The following ZC4H2 variants were observed in gnomAD, a reference collection of about 807,000 sequenced individuals.
The protein encoded by ZC4H2 is zinc finger C4H2-type containing.
For synonymous variants in ZC4H2, 84 were observed against 66.3 expected (o/e 1.27, Z -1.30); for missense variants, 137 against 173.9 (o/e 0.79, Z 1.19).
At chrX:65,020,496 T>C (rs752496214) in intron 1 of ZC4H2, among the ~76,000 whole-genome samples, 2 of 111,873 alleles carry the variant, frequency 1.8e-5, no homozygotes, top group Admixed American at 9.5e-5. Flanking sequence ...TAAGACACTT[T>C]GTCACCACTA....
At chrX:65,024,007 C>T (rs993344015) in intron 1 of ZC4H2, among the ~76,000 whole-genome samples, 1 of 110,892 alleles carries the variant, frequency 9.0e-6, no homozygotes, top group Non-Finnish European at 1.9e-5. Flanking sequence ...AACATAAGAA[C>T]AGGAAACCAA....
At chrX:64,947,692 C>T (rs1356044049) in intron 1 of ZC4H2, among the ~76,000 whole-genome samples, 1 of 111,900 alleles carries the variant, frequency 8.9e-6, no homozygotes, top group East Asian at 2.8e-4. Context: ...GAGTATGTGT[C>T]TGTAACAATA....
chrX:64,933,184 A>C (rs1929834046), intron 1 of ZC4H2, among the ~76,000 whole-genome samples: 1 of 111,127 alleles, frequency 9.0e-6, no homozygotes, highest in African/African-American at 3.3e-5. Context: ...TATTTCCCTA[A>C]GTGTGTCTTT....
intron 1 of ZC4H2, among the ~76,000 whole-genome samples, chrX:64,951,053 G>C (rs764376827): frequency 1.8e-5 from 2 of 110,580 alleles, no homozygotes; most frequent in Non-Finnish European, 3.8e-5. Context: ...GAGAACATGC[G>C]GTGTTTGGTT....
intron 1 of ZC4H2, among the ~76,000 whole-genome samples, chrX:65,018,511 C>A (rs1252820271): frequency 8.9e-6 from 1 of 112,335 alleles, no homozygotes; most frequent in African/African-American, 3.2e-5. Flanking sequence ...AGATACTGTG[C>A]TTTTCCCACA....
chrX:64,928,632 C>CCTTCTTCTTCTTCTTCTTCTTCTT lies in ZC4H2; in HGVS notation c.54-6668_54-6645dup, dbSNP rs753426558. Among the ~76,000 whole-genome samples the CCTTCTTCTTCTTCTTCTTCTTCTT allele has an allele frequency of 1.4e-3, 115 of 83,336 alleles. 5 individuals are homozygous for CCTTCTTCTTCTTCTTCTTCTTCTT. The highest frequency in any genetic ancestry group is 5.0e-3 in the African/African-American group (103 of 20,497). 72.4% of individuals were successfully genotyped at this position (83,336 alleles called of 115,157 possible). A position where few individuals can be genotyped will look rare whatever the true frequency, so the allele number is the denominator to read the frequency against. On this transcript the variant is annotated intron_variant, in intron 1 of 4. Transcript: ENST00000374839. Reference sequence around the variant, plus strand: ...TATTCATGTCCTTTGCCTGCTTTCTCCTTCTTCTTCTTCTTCTTCTTCTTC... The same window carrying CCTTCTTCTTCTTCTTCTTCTTCTT: ...TATTCATGTCCTTTGCCTGCTTTCTCCTTCTTCTTCTTCTTCTTCTTCTTCTTCTTCTTCTTCTTCTTCTTCTTC...
intron 1 of ZC4H2, among the ~76,000 whole-genome samples, chrX:64,948,654 C>A (rs768459648): frequency 8.9e-6 from 1 of 112,041 alleles, no homozygotes; most frequent in East Asian, 2.8e-4. Context: ...AAACCTACTA[C>A]ATAATTAAAA....
At chrX:64,951,531 T>A (rs918119198) in intron 1 of ZC4H2, among the ~76,000 whole-genome samples, 2 of 112,405 alleles carry the variant, frequency 1.8e-5, no homozygotes, top group Admixed American at 1.9e-4. Flanking sequence ...TGGTTTTGAT[T>A]TGCATTTCTC....
At chrX:65,021,469 A>G (rs961142671) in intron 1 of ZC4H2, among the ~76,000 whole-genome samples, 3 of 111,226 alleles carry the variant, frequency 2.7e-5, no homozygotes, top group African/African-American at 1.0e-4. Flanking sequence ...TTCTTTGAAA[A>G]CAATGAGAAC....
At chrX:65,014,283 G>A (rs771395435) in intron 1 of ZC4H2, among the ~76,000 whole-genome samples, 1 of 111,367 alleles carries the variant, frequency 9.0e-6, no homozygotes, top group South Asian at 3.8e-4. Flanking sequence ...CCATTTTGAG[G>A]GCAAAAGGGA....
intron 1 of ZC4H2, among the ~76,000 whole-genome samples, chrX:64,942,734 T>C (rs1053333295): frequency 8.9e-6 from 1 of 112,072 alleles, no homozygotes; most frequent in Admixed American, 9.5e-5. Flanking sequence ...CTATCATTGA[T>C]GGGCATTTGC....
At chrX:64,917,920 A>C (rs1411407261) in intron 4 of ZC4H2, 24 bp from the exon 5 acceptor site, 18 of 1,191,096 alleles carry the variant, frequency 1.5e-5, no homozygotes, top group Non-Finnish European at 2.0e-5. Context: ...CAGGAAAAAG[A>C]AAGTTAGTAG....
chrX:64,920,844 G>C (rs1217283088), intron 2 of ZC4H2, among the ~76,000 whole-genome samples: 2 of 112,312 alleles, frequency 1.8e-5, no homozygotes, highest in African/African-American at 6.5e-5. Flanking sequence ...AAAATCAGGG[G>C]TGGAGTCTAG....
intron 1 of ZC4H2, among the ~76,000 whole-genome samples, chrX:64,954,830 A>G (rs1433595096): frequency 9.0e-6 from 1 of 111,488 alleles, no homozygotes; most frequent in Non-Finnish European, 1.9e-5. Flanking sequence ...TGAATGCTGA[A>G]TCAGCCAATA....
intron 1 of ZC4H2, among the ~76,000 whole-genome samples, chrX:65,034,120 G>T (rs756257853): frequency 6.9e-4 from 76 of 110,440 alleles, no homozygotes; most frequent in African/African-American, 2.0e-3. Context: ...CCTAGTTCAA[G>T]GAAACAGAGC....
chrX:64,983,933 G>A (rs1312104530), intron 1 of ZC4H2, among the ~76,000 whole-genome samples: 1 of 111,442 alleles, frequency 9.0e-6, no homozygotes, highest in South Asian at 3.8e-4. Flanking sequence ...TAACCTCCTT[G>A]TTTTCTTTGT....
intron 1 of ZC4H2, among the ~76,000 whole-genome samples, chrX:65,024,097 G>A (rs1377050760): frequency 9.1e-6 from 1 of 109,698 alleles, no homozygotes; most frequent in East Asian, 2.9e-4. Flanking sequence ...TACACACCGG[G>A]GCCTATCGGC....
intron 1 of ZC4H2, among the ~76,000 whole-genome samples, chrX:64,975,695 C>T (rs1216110149): frequency 8.9e-6 from 1 of 111,960 alleles, no homozygotes; most frequent in Non-Finnish European, 1.9e-5. Context: ...TCCAGCTCCT[C>T]AGAGCAGCTG....
At chrX:64,944,942 T>G (rs989651137) in intron 1 of ZC4H2, among the ~76,000 whole-genome samples, 1 of 112,726 alleles carries the variant, frequency 8.9e-6, no homozygotes, top group African/African-American at 3.2e-5. Context: ...AATTTATGTT[T>G]TCCTCTAAAC....
Sources: allele counts gnomAD v4.1 joint callset (sites outside exome capture counted in the v4.1 genomes callset), GRCh38; gene constraint gnomAD v4.1.1; transcripts MANE v1.5; gene names NCBI Gene and HGNC (gene_info 2026-07-23, HGNC 2026-07-21).